The following KATNAL2 variants were observed in gnomAD, a reference collection of about 807,000 sequenced individuals.
KATNAL2 encodes the protein katanin p60 ATPase-containing subunit A-like 2.
Under a neutral mutation model 76.3 loss-of-function variants are expected in KATNAL2, and 52 were observed. The observed-to-expected ratio is 0.68, with a 90% CI of 0.55 to 0.86. The LOEUF is 0.86. Among genes scored for constraint, KATNAL2 ranks in the 40% least tolerant of loss-of-function variants. The pLI is 0.00. For missense variants in KATNAL2, 660 were observed against 668.9 expected, an observed-to-expected ratio of 0.99 and a Z score of 0.15; for synonymous variants, 243 against 244.2, an observed-to-expected ratio of 1.00 and a Z score of 0.05.
Position 46,917,728 on chromosome 18 carries a change from T to A in KATNAL2, c.-708T>A. The A allele has an allele frequency of 4.0e-6, 1 of 247,480 alleles. No homozygotes were observed. The highest frequency in any genetic ancestry group is 6.5e-6 in the Non-Finnish European group (1 of 154,852). The allele number at this position is 247,480 out of a possible 1,614,324, so 15.3% of individuals were successfully genotyped here. A position where few individuals can be genotyped will look rare whatever the true frequency, so the allele number is the denominator to read the frequency against. ...CCCCTGCGGACTGCCTAGAGCTGGG[T>A]CGCAACTGAGGCGTTATCCGCGGGC... On this transcript the variant is annotated 5_prime_UTR_variant, in exon 1 of 18. Coordinates refer to ENST00000683218, the MANE Select transcript of KATNAL2 (RefSeq NM_001387690.1).
At chr18:47,068,737 A>G (rs956370360) in intron 11 of KATNAL2, among the ~76,000 whole-genome samples, 4 of 152,208 alleles carry the variant, frequency 2.6e-5, no homozygotes, top group African/African-American at 4.8e-5. Flanking sequence ...GTGTCTCTTA[A>G]TGCGTTTGCC....
chr18:47,099,498 G>C lies in KATNAL2; in HGVS notation c.1374+93G>C, dbSNP rs1014501110. 3 of 1,230,762 alleles carry C rather than the reference G, an allele frequency of 2.4e-6. No homozygotes were observed. In the African/African-American group the frequency reaches 4.5e-5, roughly 19 times the overall value. 76.2% of individuals were successfully genotyped at this position (1,230,762 alleles called of 1,614,324 possible). ...TCTTACCATGAGCTGATAGAAGCTT[G>C]AGACACTTAGAATAAGATCCAAGCT... is the stretch of plus-strand genomic sequence containing the variant. On this transcript the variant is annotated intron_variant, in intron 16 of 17. Coordinates refer to ENST00000683218, the MANE Select transcript of KATNAL2 (RefSeq NM_001387690.1).
intron 1 of KATNAL2, among the ~76,000 whole-genome samples, chr18:46,929,220 A>ATAT (rs2058829988): frequency 6.6e-6 from 1 of 151,242 alleles, no homozygotes; most frequent in Non-Finnish European, 1.5e-5. Context: ...TGAGGTTGAC[A>ATAT]TGTTGCATAT....
chr18:47,088,565 TATTA>T (rs759492362), intron 15 of KATNAL2, among the ~76,000 whole-genome samples: 3 of 152,210 alleles, frequency 2.0e-5, no homozygotes, highest in African/African-American at 7.2e-5. Flanking sequence ...TGTAATTTTA[TATTA>T]ATTAATAAAT....
intron 3 of KATNAL2, among the ~76,000 whole-genome samples, chr18:47,039,749 A>G (rs987036641): frequency 6.6e-6 from 1 of 152,228 alleles, no homozygotes; most frequent in African/African-American, 2.4e-5. Flanking sequence ...AAATGCTTCT[A>G]GTGAAGGATA....
chr18:46,936,709 T>C (rs1251317110), intron 1 of KATNAL2, among the ~76,000 whole-genome samples: 1 of 152,168 alleles, frequency 6.6e-6, no homozygotes, highest in Non-Finnish European at 1.5e-5. Flanking sequence ...CCCAGCACTT[T>C]GGGAGGCTGA....
At chr18:47,031,026 C>A (rs1569041774) in intron 3 of KATNAL2, among the ~76,000 whole-genome samples, 3 of 44,956 alleles carry the variant, frequency 6.7e-5, no homozygotes, top group African/African-American at 1.1e-4. Context: ...CCCCCCCCCC[C>A]CGCCCCCAAC....
At chr18:46,931,161 G>C (rs967643142) in intron 1 of KATNAL2, among the ~76,000 whole-genome samples, 3 of 130,486 alleles carry the variant, frequency 2.3e-5, no homozygotes, top group African/African-American at 8.4e-5. Flanking sequence ...TTAGCCAGGC[G>C]TGGTGACATG....
At chr18:46,929,578 A>G (rs960295126) in intron 1 of KATNAL2, among the ~76,000 whole-genome samples, 4 of 152,054 alleles carry the variant, frequency 2.6e-5, no homozygotes, top group Admixed American at 2.6e-4. Context: ...GTAGTATTCT[A>G]TTGTATGAAT....
intron 15 of KATNAL2, among the ~76,000 whole-genome samples, chr18:47,085,139 T>C (rs1222906126): frequency 6.6e-6 from 1 of 152,206 alleles, no homozygotes; most frequent in Non-Finnish European, 1.5e-5. Flanking sequence ...GCGATTAAGC[T>C]TTACAGCCCC....
chr18:47,058,514 A>G (rs964486260), intron 7 of KATNAL2, among the ~76,000 whole-genome samples, 162 bp downstream of exon 7: 5 of 152,362 alleles, frequency 3.3e-5, no homozygotes, highest in Non-Finnish European at 4.4e-5. Context: ...GACTAAAACC[A>G]TGGACATATC....
At chr18:46,918,822 CT>C (rs1300267574) in intron 1 of KATNAL2, among the ~76,000 whole-genome samples, 1 of 152,122 alleles carries the variant, frequency 6.6e-6, no homozygotes. Flanking sequence ...TCAGGTTTCA[CT>C]TTAAGTGTCA....
At chr18:47,073,710 CTT>C (rs987320051) in intron 13 of KATNAL2, among the ~76,000 whole-genome samples, 1 of 152,228 alleles carries the variant, frequency 6.6e-6, no homozygotes, top group Non-Finnish European at 1.5e-5. Flanking sequence ...TGAGTGGTCT[CTT>C]TAGCAAATGC....
chr18:46,954,910 C>T (rs1480356762), intron 3 of KATNAL2, among the ~76,000 whole-genome samples: 1 of 152,190 alleles, frequency 6.6e-6, no homozygotes, highest in Non-Finnish European at 1.5e-5. Flanking sequence ...GCCTCGGCCT[C>T]CCAAAGTGCT....
At chr18:47,077,966 C>A (rs1355842452) in intron 15 of KATNAL2, among the ~76,000 whole-genome samples, 2 of 151,998 alleles carry the variant, frequency 1.3e-5, no homozygotes, top group Non-Finnish European at 2.9e-5. Flanking sequence ...GGTTTAAGAA[C>A]AATTCTAGAT....
Position 47,059,622 on chromosome 18 carries a change from G to T in KATNAL2, c.517G>T (p.Asp173Tyr), listed in dbSNP as rs2061573107. 1.2e-6 allele frequency: 2 copies of T among 1,613,674 alleles called. No homozygotes were observed. Among genetic ancestry groups the T allele is most frequent in the East Asian group, 4.5e-5 (2 of 44,868 alleles). Residue 173 changes from aspartate (D) to tyrosine (Y), a missense_variant, in exon 8 of 18, where the codon GAC becomes TAC. Asp to Tyr is a radical substitution (Grantham distance 160). Coordinates refer to ENST00000683218, the MANE Select transcript of KATNAL2 (RefSeq NM_001387690.1). ...CCTACATATATCAAGAATCCGTAAA[G>T]ACAGTGGAGAGGAAAATGCCCACCC... Reference protein sequence around the residue: ...FGLHISRIRKDSGEENAHPRR... With the variant: ...FGLHISRIRKYSGEENAHPRR...
chr18:47,025,128 A>T (rs1325103703), intron 3 of KATNAL2, among the ~76,000 whole-genome samples: 1 of 95,628 alleles, frequency 1.0e-5, no homozygotes, highest in East Asian at 5.1e-4. Flanking sequence ...AACGGTGGCC[A>T]TGACCTCTGC....
At chr18:47,044,538 C>A (rs965875494) in intron 3 of KATNAL2, among the ~76,000 whole-genome samples, 1 of 146,412 alleles carries the variant, frequency 6.8e-6, no homozygotes, top group Admixed American at 6.8e-5. Context: ...GCAGGCGGAT[C>A]ATCTGAAGTC....
intron 3 of KATNAL2, among the ~76,000 whole-genome samples, chr18:46,949,697 C>G (rs2059493094): frequency 6.6e-6 from 1 of 152,204 alleles, no homozygotes; most frequent in African/African-American, 2.4e-5. Flanking sequence ...CTCCTAGTCC[C>G]TCTCCTCTGT....
Sources: gnomAD v4.1 joint callset for allele counts (sites outside exome capture counted in the v4.1 genomes callset) on GRCh38, gnomAD v4.1.1 for gene constraint, MANE v1.5 for transcripts, NCBI Gene and HGNC (gene_info 2026-07-23, HGNC 2026-07-21) for gene names.